The following SNX24 variants were observed in gnomAD, a reference collection of about 807,000 sequenced individuals.
SNX24 encodes sorting nexin 24.
SNX24 carries 22 observed loss-of-function variants against 28.7 expected under a neutral mutation model. That is an observed-to-expected ratio of 0.77 (90% CI 0.55 to 1.10). The LOEUF is 1.10. SNX24 is among the 50% of genes least tolerant of loss of function. The pLI, the probability that SNX24 is intolerant of heterozygous loss-of-function variation, is 0.00. For missense variants in SNX24, 221 were observed against 201.1 expected, an observed-to-expected ratio of 1.10 and a Z score of -0.60; for synonymous variants, 69 against 71.5, an observed-to-expected ratio of 0.96 and a Z score of 0.18.
At chr5:122,941,657 G>A (rs1759455094) in intron 2 of SNX24, among the ~76,000 whole-genome samples, 1 of 152,190 alleles carries the variant, frequency 6.6e-6, no homozygotes, top group African/African-American at 2.4e-5. Flanking sequence ...TAGGGACCAT[G>A]TCCTGTCTTT....
intron 6 of SNX24, among the ~76,000 whole-genome samples, chr5:123,002,345 A>T (rs1762274257): frequency 1.3e-5 from 2 of 152,158 alleles, no homozygotes; most frequent in South Asian, 4.1e-4. Context: ...AGTCCTTTTT[A>T]AAAATGCCTC....
rs536081145 is a variant in SNX24, at chr5:122,846,818, G to A, written c.60+1125G>A. ...GTTGTTAAAGTGCTTTCCTTGGGAA[G>A]GAAAATGCAGGGAGAGGGAGCTGTG... On this transcript the variant is annotated intron_variant, in intron 1 of 6. Transcript: ENST00000261369. 5.9e-5 allele frequency among the ~76,000 whole-genome samples: 9 copies of A among 152,302 alleles called. No homozygotes were observed. In the South Asian group the frequency reaches 1.9e-3, roughly 32 times the overall value.
chr5:122,862,989 A>G (rs1471626996), intron 1 of SNX24, among the ~76,000 whole-genome samples: 1 of 152,212 alleles, frequency 6.6e-6, no homozygotes, highest in Non-Finnish European at 1.5e-5. Flanking sequence ...TATTTAGCAA[A>G]TATTTATCTA....
chr5:122,874,457 G>A (rs538371244), intron 1 of SNX24, among the ~76,000 whole-genome samples: 6 of 152,312 alleles, frequency 3.9e-5, no homozygotes, highest in African/African-American at 1.4e-4. Flanking sequence ...TGGCAGAGGG[G>A]ACTCTAAGCA....
intron 2 of SNX24, among the ~76,000 whole-genome samples, chr5:122,944,061 A>C (rs751123832): frequency 3.9e-5 from 6 of 152,224 alleles, no homozygotes; most frequent in Non-Finnish European, 8.8e-5. Flanking sequence ...ATGTAGTAGA[A>C]ACTTGATTAG....
chr5:123,010,970 T>C (rs1762564007), downstream of SNX24, among the ~76,000 whole-genome samples: 1 of 152,154 alleles, frequency 6.6e-6, no homozygotes, highest in Non-Finnish European at 1.5e-5. Flanking sequence ...CACTACCATA[T>C]TGATAGACAT....
intron 3 of SNX24, among the ~76,000 whole-genome samples, chr5:122,950,580 C>A (rs1759896335): frequency 6.6e-6 from 1 of 152,178 alleles, no homozygotes; most frequent in South Asian, 2.1e-4. Context: ...AGAAGGTTTT[C>A]TTTCAGTAAG....
chr5:123,014,333 A>ATTTTTTTTTTTTTTTTTTTTTTT lies in SNX24; in HGVS notation n.383+12336_383+12358dup, dbSNP rs70988553. Among the ~76,000 whole-genome samples the ATTTTTTTTTTTTTTTTTTTTTTT allele has an allele frequency of 9.1e-5, 7 of 77,270 alleles. 3 individuals are homozygous for ATTTTTTTTTTTTTTTTTTTTTTT. Among genetic ancestry groups the ATTTTTTTTTTTTTTTTTTTTTTT allele is most frequent in the Non-Finnish European group, 1.4e-4 (6 of 42,442 alleles). 50.7% of individuals were successfully genotyped at this position (77,270 alleles called of 152,430 possible). On this transcript the variant is annotated intron_variant and non_coding_transcript_variant, in intron 5 of 5. Coordinates refer to the SNX24 transcript ENST00000502387. ...AGGCACACGCCACTGTGCCCAGCTG[A>ATTTTTTTTTTTTTTTTTTTTTTT]TTTTTTTTTTTTTTTTTTTTTTTTT...
chr5:123,000,398 T>G (rs1387785033), intron 4 of SNX24, among the ~76,000 whole-genome samples: 1 of 152,242 alleles, frequency 6.6e-6, no homozygotes, highest in Non-Finnish European at 1.5e-5. Flanking sequence ...ATGAATGATC[T>G]TAGAGATGAT....
In SNX24 at chr5:122,969,204, G is replaced by A. The variant is rs1472629602; in HGVS notation, c.249+23045G>A. 1.3e-5 allele frequency among the ~76,000 whole-genome samples: 2 copies of A among 152,096 alleles called. 1 individual carries two copies. The highest frequency in any genetic ancestry group is 2.9e-5 in the Non-Finnish European group (2 of 68,016). On this transcript the variant is annotated intron_variant, in intron 3 of 6. Coordinates refer to ENST00000261369, the MANE Select transcript of SNX24 (RefSeq NM_014035.4). ...TAAGGTGCTCTGTTTTCAAAAATCT[G>A]TGTTTTAAAAGTTCTTTCCCATTCA... is the stretch of plus-strand genomic sequence containing the variant.
chr5:122,891,105 A>T, intron 1 of SNX24: 1 of 1,533,684 alleles, frequency 6.5e-7, no homozygotes, highest in Admixed American at 2.0e-5. Context: ...TGCTTTTTCA[A>T]ATGGAAGACT....
chr5:122,946,023 TTTC>T, intron 2 of SNX24, 29 bp from the exon 3 acceptor site: 4 of 1,229,822 alleles, frequency 3.3e-6, no homozygotes, highest in Non-Finnish European at 4.6e-6. Context: ...TGTTTTTTTT[TTTC>T]TTTTTCTTTT....
chr5:122,893,946 G>A (rs948848392), intron 1 of SNX24, among the ~76,000 whole-genome samples: 2 of 151,980 alleles, frequency 1.3e-5, no homozygotes, highest in African/African-American at 4.8e-5. Flanking sequence ...TACTTGGGAA[G>A]CTGTGGCAGG....
intron 1 of SNX24, among the ~76,000 whole-genome samples, chr5:122,902,211 C>G (rs542196455): frequency 6.6e-6 from 1 of 152,324 alleles, no homozygotes; most frequent in Non-Finnish European, 1.5e-5. Flanking sequence ...CATACCTCTT[C>G]TGAGTTTGCC....
At chr5:122,848,678 C>T (rs1448330886) in intron 1 of SNX24, among the ~76,000 whole-genome samples, 1 of 151,768 alleles carries the variant, frequency 6.6e-6, no homozygotes, top group Non-Finnish European at 1.5e-5. Context: ...CACTGCACTC[C>T]AGTCTAGGTG....
chr5:122,955,877 C>T (rs536353911), intron 3 of SNX24, among the ~76,000 whole-genome samples: 5 of 152,266 alleles, frequency 3.3e-5, no homozygotes, highest in African/African-American at 7.2e-5. Context: ...TCATTACAGC[C>T]TTATAAGGGT....
chr5:122,995,107 G>A (rs557162387), intron 3 of SNX24, among the ~76,000 whole-genome samples: 1 of 152,306 alleles, frequency 6.6e-6, no homozygotes, highest in East Asian at 1.9e-4. Context: ...CAATCTGCAA[G>A]TCAATTAAAG....
chr5:122,930,660 GT>G (rs1300306150), intron 1 of SNX24, among the ~76,000 whole-genome samples: 8 of 152,028 alleles, frequency 5.3e-5, no homozygotes, highest in African/African-American at 1.9e-4. Context: ...TTTTGCTCTT[GT>G]TCTAATTTTT....
intron 5 of SNX24, among the ~76,000 whole-genome samples, chr5:123,027,910 T>A (rs1218530680): frequency 6.6e-6 from 1 of 152,218 alleles, no homozygotes; most frequent in Non-Finnish European, 1.5e-5. Context: ...ATAGCTATAA[T>A]CCTGAATGAG....
Sources: allele counts gnomAD v4.1 joint callset (sites outside exome capture counted in the v4.1 genomes callset), GRCh38; gene constraint gnomAD v4.1.1; transcripts MANE v1.5; gene names NCBI Gene and HGNC (gene_info 2026-07-23, HGNC 2026-07-21).